ROBO1: variants seen among roughly 807,000 people sequenced by gnomAD.
ROBO1 encodes the protein roundabout guidance receptor 1.
Under a neutral mutation model 195.9 loss-of-function variants are expected in ROBO1, and 149 were observed. The ratio of observed to expected loss-of-function variants is 0.76; its 90% CI spans 0.67 to 0.87. The LOEUF is 0.87. ROBO1 is among the 40% of genes least tolerant of loss of function. The probability of loss-of-function intolerance (pLI) is 0.00; values close to 1 mark genes in which losing one functional copy is unlikely to be tolerated. For synonymous variants in ROBO1, 816 were observed against 733.2 expected, an observed-to-expected ratio of 1.11 and a Z score of -1.82; for missense variants, 1,933 against 2,068.3, an observed-to-expected ratio of 0.93 and a Z score of 1.27.
intron 2 of ROBO1, among the ~76,000 whole-genome samples, chr3:79,449,810 T>G (rs944418549): frequency 2.0e-5 from 3 of 152,164 alleles, no homozygotes; most frequent in African/African-American, 7.2e-5. Flanking sequence ...TTTAAGCTCT[T>G]CATTAACAGC....
At chr3:79,610,902 T>C (rs953849765) in intron 1 of ROBO1, among the ~76,000 whole-genome samples, 4 of 152,116 alleles carry the variant, frequency 2.6e-5, no homozygotes, top group Non-Finnish European at 5.9e-5. Context: ...TCAACACTTC[T>C]CTGAGTTCTG....
intron 3 of ROBO1, among the ~76,000 whole-genome samples, chr3:79,112,707 T>C (rs2079909353): frequency 1.4e-5 from 2 of 142,854 alleles, no homozygotes; most frequent in Admixed American, 7.5e-5. Context: ...AATTGAACAA[T>C]GAGAACACAT....
chr3:79,031,671 T>C (rs1015378176), intron 3 of ROBO1, among the ~76,000 whole-genome samples: 3 of 152,152 alleles, frequency 2.0e-5, no homozygotes, highest in African/African-American at 7.2e-5. Flanking sequence ...TTGAAACAAG[T>C]AATACACATA....
intron 4 of ROBO1, among the ~76,000 whole-genome samples, chr3:78,862,695 T>A (rs1206039612): frequency 1.3e-5 from 2 of 152,220 alleles, no homozygotes; most frequent in African/African-American, 2.4e-5. Flanking sequence ...TAAATTTAAA[T>A]ATGTTAAAAG....
intron 2 of ROBO1, among the ~76,000 whole-genome samples, chr3:79,279,286 C>CA (rs917550505): frequency 6.6e-6 from 1 of 151,424 alleles, no homozygotes; most frequent in Non-Finnish European, 1.5e-5. Flanking sequence ...AACAAACAAA[C>CA]AAAAAAACAA....
chr3:78,932,046 T>A (rs1477531587), intron 4 of ROBO1, among the ~76,000 whole-genome samples: 1 of 152,230 alleles, frequency 6.6e-6, no homozygotes, highest in Non-Finnish European at 1.5e-5. Context: ...TAATTAAAAT[T>A]AATTATACTA....
At chr3:79,020,160 C>G (rs1002561031) in intron 3 of ROBO1, among the ~76,000 whole-genome samples, 1 of 152,162 alleles carries the variant, frequency 6.6e-6, no homozygotes, top group Non-Finnish European at 1.5e-5. Flanking sequence ...ACAATCTTGA[C>G]AAGCCCAGAG....
At chr3:78,627,280 A>C in intron 26 of ROBO1, 41 bp downstream of exon 26, 1 of 1,590,806 alleles carries the variant, frequency 6.3e-7, no homozygotes, top group African/African-American at 1.3e-5. Context: ...AGGAGTAGAA[A>C]TTATCTGATT....
At chr3:79,162,566 T>C (rs2080988618) in intron 2 of ROBO1, among the ~76,000 whole-genome samples, 1 of 152,122 alleles carries the variant, frequency 6.6e-6, no homozygotes, top group African/African-American at 2.4e-5. Context: ...CAATCCAAAA[T>C]CTCAGTGTTC....
intron 10 of ROBO1, 109 bp downstream of exon 10, chr3:78,685,636 TA>T: frequency 1.5e-6 from 1 of 661,538 alleles, no homozygotes; most frequent in Non-Finnish European, 2.4e-6. Flanking sequence ...GGTTTTACAC[TA>T]AAATAGCCAT....
At position 78,986,455 on chromosome 3, in the gene ROBO1, T is replaced by C. The variant is rs906623460; in HGVS notation, c.173-47528A>G. Among the ~76,000 whole-genome samples the C allele has an allele frequency of 3.3e-5, 5 of 151,800 alleles. No homozygotes were observed. The East Asian group carries it at 9.7e-4, about 29-fold the overall frequency. On this transcript the variant is annotated intron_variant, in intron 3 of 30. Transcript: ENST00000464233. The stretch of plus-strand genomic sequence containing the variant: ...TCAACCATACTGGCCAAATCCCAAC[T>C]CTCAAATCGCTTTGTAATATATACT...
intron 1 of ROBO1, among the ~76,000 whole-genome samples, chr3:79,651,301 T>C (rs1292479564): frequency 6.6e-6 from 1 of 152,108 alleles, no homozygotes; most frequent in African/African-American, 2.4e-5. Flanking sequence ...AATTGATAAA[T>C]GTATGCAAAA....
In ROBO1 at chr3:78,935,025, T is replaced by C. The variant is rs185356070; in HGVS notation, c.499+3576A>G. The stretch of plus-strand genomic sequence containing the variant: ...CATGAGGAAAACTGTATAATTTGAA[T>C]TCTAAGTCACTTTAAGAAGCATAAG... On this transcript the variant is annotated intron_variant, in intron 4 of 30. Transcript: ENST00000464233. Among the ~76,000 whole-genome samples the C allele has an allele frequency of 8.9e-3, 1,349 of 152,136 alleles. 21 individuals carry two copies. The highest frequency in any genetic ancestry group is 0.031 in the African/African-American group (1,294 of 41,548).
rs915260227 is a variant in ROBO1, at chr3:79,665,361, A to G, written c.-50-75400T>C. ...ATATCAGTTTCTTATTTTCATTTGT[A>G]TAAGTCTCCTTGTTTTATTCTCACA... On this transcript the variant is annotated intron_variant, in intron 1 of 30. Coordinates refer to ENST00000464233, the MANE Select transcript of ROBO1 (RefSeq NM_002941.4). Among the ~76,000 whole-genome samples the G allele has an allele frequency of 1.3e-4, 20 of 151,964 alleles. No individual in the cohort carries two copies. In the East Asian group the frequency reaches 3.7e-3, roughly 28 times the overall value.
At chr3:78,665,189 C>T (rs1278297715) in intron 14 of ROBO1, among the ~76,000 whole-genome samples, 3 of 152,194 alleles carry the variant, frequency 2.0e-5, no homozygotes, top group African/African-American at 7.2e-5. Context: ...CCAGAACAAA[C>T]ACATTACTCC....
intron 2 of ROBO1, among the ~76,000 whole-genome samples, chr3:79,378,655 G>A (rs2036466273): frequency 6.6e-6 from 1 of 152,184 alleles, no homozygotes; most frequent in Non-Finnish European, 1.5e-5. Flanking sequence ...GCTCCCTTGA[G>A]GGAGTGCTTT....
At chr3:79,599,938 TCTA>T (rs1944290924) in intron 1 of ROBO1, among the ~76,000 whole-genome samples, 2 of 152,000 alleles carry the variant, frequency 1.3e-5, no homozygotes, top group Non-Finnish European at 2.9e-5. Flanking sequence ...ATTAAAACTG[TCTA>T]CATCACGCAT....
At chr3:79,165,852 C>T (rs2081054206) in intron 2 of ROBO1, among the ~76,000 whole-genome samples, 1 of 152,134 alleles carries the variant, frequency 6.6e-6, no homozygotes, top group South Asian at 2.1e-4. Flanking sequence ...GTGATTAAGT[C>T]CATAATCAAT....
chr3:79,669,273 G>T (rs1428759939), intron 1 of ROBO1, among the ~76,000 whole-genome samples: 1 of 151,714 alleles, frequency 6.6e-6, no homozygotes, highest in South Asian at 2.1e-4. Context: ...GAAGTGACTT[G>T]CTACTGCTTG....
Sources: gnomAD v4.1 joint callset for allele counts (sites outside exome capture counted in the v4.1 genomes callset) on GRCh38, gnomAD v4.1.1 for gene constraint, MANE v1.5 for transcripts, NCBI Gene and HGNC (gene_info 2026-07-23, HGNC 2026-07-21) for gene names.